RGMA: variants seen among roughly 807,000 people sequenced by gnomAD.
RGMA encodes the protein repulsive guidance molecule BMP co-receptor a.
RGMA carries 10 observed loss-of-function variants against 23.2 expected under a neutral mutation model. That is an observed-to-expected ratio of 0.43 (90% CI 0.27 to 0.73). RGMA has a LOEUF of 0.73. Among genes scored for constraint, RGMA ranks in the 30% least tolerant of loss-of-function variants. RGMA has a pLI of 0.20. For missense variants in RGMA, 547 were observed against 630.5 expected (o/e 0.87, Z 1.42); for synonymous variants, 308 against 279.3 (o/e 1.10, Z -1.03).
chr15:93,087,707 C>G (rs1311773177), intron 1 of RGMA, among the ~76,000 whole-genome samples: 1 of 152,202 alleles, frequency 6.6e-6, no homozygotes, highest in East Asian at 1.9e-4. Flanking sequence ...GCGGAAGGGG[C>G]ATCTTCTTAC....
intron 2 of RGMA, among the ~76,000 whole-genome samples, chr15:93,059,350 G>A (rs2055065950): frequency 6.6e-6 from 1 of 152,208 alleles, no homozygotes; most frequent in African/African-American, 2.4e-5. Context: ...AGGAGCAGCG[G>A]CTGCTGCCAA....
intron 2 of RGMA, among the ~76,000 whole-genome samples, chr15:93,054,852 G>C (rs916846843): frequency 6.6e-6 from 1 of 152,256 alleles, no homozygotes; most frequent in South Asian, 2.1e-4. Context: ...CTGTCTTCAC[G>C]TCTCCTTAAC....
At chr15:93,064,574 C>T (rs898859951) in intron 2 of RGMA, among the ~76,000 whole-genome samples, 3 of 152,234 alleles carry the variant, frequency 2.0e-5, no homozygotes, top group African/African-American at 4.8e-5. Flanking sequence ...TGCGCACACG[C>T]GTGTGTGGGT....
At chr15:93,073,270 G>A in intron 1 of RGMA, 2 of 933,624 alleles carry the variant, frequency 2.1e-6, no homozygotes, top group Non-Finnish European at 2.7e-6. Flanking sequence ...GCCCCCTCGC[G>A]CTCGGGTTTC....
At chr15:93,074,187 C>A (rs938610170) in intron 1 of RGMA, 5 of 260,554 alleles carry the variant, frequency 1.9e-5, no homozygotes, top group Non-Finnish European at 2.7e-5. Context: ...ACCCTCCTCA[C>A]CTCACTCCCA....
At chr15:93,046,123 G>A (rs2054821039) in intron 3 of RGMA, among the ~76,000 whole-genome samples, 1 of 152,164 alleles carries the variant, frequency 6.6e-6, no homozygotes, top group African/African-American at 2.4e-5. Flanking sequence ...TGGCAAAAGG[G>A]ACCCTGCAGA....
intron 2 of RGMA, chr15:93,066,396 G>GA: frequency 1.5e-6 from 1 of 681,132 alleles, no homozygotes. Flanking sequence ...CCAGGTGGGG[G>GA]AAACGGGGGG....
rs778505352 is a variant in RGMA, at chr15:93,052,264, C to T, written c.374G>A (p.Arg125His). 1.4e-4 allele frequency: 218 copies of T among 1,603,512 alleles called. 1 individual carries two copies. The highest frequency in any genetic ancestry group is 1.6e-4 in the Non-Finnish European group (189 of 1,174,394). Reference sequence around the variant, plus strand: ...TCCGGCCGGTGGGAGCGTGCGCAGGCGTGGCTGCGAGGTGGGGCCATCCTT... The same window carrying T: ...TCCGGCCGGTGGGAGCGTGCGCAGGTGTGGCTGCGAGGTGGGGCCATCCTT... ...CSKDGPTSQP[R>H]LRTLPPAGDS... is the part of the protein sequence containing the mutation. The change falls in exon 3 of 4, where the codon CGC (arginine) becomes CAC (histidine). Residue 125 changes from arginine (R) to histidine (H), a missense_variant. Physicochemically the swap from Arg to His is conservative, Grantham distance 29. Transcript: ENST00000329082.
At chr15:93,064,983 T>TC (rs1895094445) in intron 2 of RGMA, among the ~76,000 whole-genome samples, 2 of 151,472 alleles carry the variant, frequency 1.3e-5, no homozygotes, top group Non-Finnish European at 3.0e-5. Context: ...CATGGTAATT[T>TC]TTTTTTTTTT....
chr15:93,088,559 A>T, intron 1 of RGMA: 1 of 1,024,254 alleles, frequency 9.8e-7, no homozygotes. Context: ...ATGGGGGTTC[A>T]CGGCGGGACA....
At position 93,035,633 on chromosome 15, in the gene RGMA, TCCAGAGACAAACACGGAAG is replaced by T. The variant is rs551903521; in HGVS notation, c.*9346_*9364del. 9 of 152,168 alleles carry T rather than the reference TCCAGAGACAAACACGGAAG, an allele frequency of 5.9e-5. No individual in the cohort carries two copies. In the South Asian group the frequency reaches 6.2e-4, roughly 11 times the overall value. 9.4% of individuals were successfully genotyped at this position (152,168 alleles called of 1,614,324 possible). ...CAGGACTCTTGCTAAAACCGAACAA[TCCAGAGACAAACACGGAAG>T]CCCAAAGCCCAGGCCTAACTGGAAG... On this transcript the variant is annotated 3_prime_UTR_variant, in exon 4 of 4. Transcript: ENST00000329082.
intron 2 of RGMA, among the ~76,000 whole-genome samples, chr15:93,062,302 C>G (rs2141826545): frequency 6.6e-6 from 1 of 152,362 alleles, no homozygotes; most frequent in Admixed American, 6.5e-5. Context: ...TGGTCAATCA[C>G]ATAAACTTCT....
At chr15:93,064,680 C>T (rs1035821136) in intron 2 of RGMA, among the ~76,000 whole-genome samples, 4 of 152,220 alleles carry the variant, frequency 2.6e-5, no homozygotes, top group Admixed American at 6.5e-5. Flanking sequence ...GGTATTCTGC[C>T]GGCTGGAGTG....
chr15:93,071,633 C>T (rs1486636259), intron 2 of RGMA, among the ~76,000 whole-genome samples: 4 of 152,216 alleles, frequency 2.6e-5, no homozygotes, highest in Non-Finnish European at 5.9e-5. Flanking sequence ...ACTGATCCCT[C>T]GCTCCCTACT....
chr15:93,082,002 ACT>A (rs1478854222), intron 1 of RGMA, among the ~76,000 whole-genome samples: 5 of 152,184 alleles, frequency 3.3e-5, no homozygotes. Context: ...CCGAACACAG[ACT>A]CTCTAGAGCT....
chr15:93,073,065 A>C, intron 1 of RGMA, 34 bp from the exon 2 acceptor site: 1 of 1,522,814 alleles, frequency 6.6e-7, no homozygotes, highest in Non-Finnish European at 8.8e-7. Flanking sequence ...AGAAGAAAAT[A>C]AATCACGCTG....
chr15:93,075,457 T>C (rs535544103), intron 1 of RGMA, among the ~76,000 whole-genome samples: 1 of 152,334 alleles, frequency 6.6e-6, no homozygotes, highest in South Asian at 2.1e-4. Context: ...CATTGGGATA[T>C]ATGTACAACA....
At chr15:93,054,712 C>T (rs77119935) in intron 2 of RGMA, among the ~76,000 whole-genome samples, 2 of 152,280 alleles carry the variant, frequency 1.3e-5, no homozygotes, top group East Asian at 1.9e-4. Context: ...AATACACCAC[C>T]GTAAAGGGAT....
At chr15:93,077,451 A>C (rs1161362929) in intron 1 of RGMA, among the ~76,000 whole-genome samples, 2 of 152,228 alleles carry the variant, frequency 1.3e-5, no homozygotes, top group Non-Finnish European at 2.9e-5. Flanking sequence ...TGCTGCTGGC[A>C]GGTGCACAGA....
Sources: allele counts gnomAD v4.1 joint callset (sites outside exome capture counted in the v4.1 genomes callset), GRCh38; gene constraint gnomAD v4.1.1; transcripts MANE v1.5; gene names NCBI Gene and HGNC (gene_info 2026-07-23, HGNC 2026-07-21).